The following FAM83A variants were observed in gnomAD, a reference collection of about 807,000 sequenced individuals.
FAM83A encodes the protein scaffolding CK1 anchoring protein A, also known as protein FAM83A.
In FAM83A, 21 loss-of-function variants were observed where a neutral mutation model predicts 24.4. The ratio of observed to expected loss-of-function variants is 0.86; its 90% confidence interval spans 0.61 to 1.24. The LOEUF is 1.24. FAM83A is among the 50% of genes most tolerant of loss of function. The pLI is 0.00. For synonymous variants in FAM83A, 270 were observed against 252.4 expected (o/e 1.07, Z -0.66); for missense variants, 617 against 579.8 (o/e 1.06, Z -0.66).
In FAM83A at chr8:123,200,988, C is replaced by CACAT. The variant is rs1251475197; in HGVS notation, c.774-6168_774-6167insCATA. Among the ~76,000 whole-genome samples, 422 of 145,672 alleles carry CACAT rather than the reference C, an allele frequency of 2.9e-3. 2 individuals are homozygous for CACAT. The highest frequency in any genetic ancestry group is 9.1e-3 in the African/African-American group (351 of 38,486). On this transcript the variant is annotated intron_variant, in intron 3 of 3. Transcript: ENST00000690554. ...AAAAAAATATATATATATATATACA[C>CACAT]ATATATACAAAAAAAAAATTAGCTG...
Position 123,209,517 on chromosome 8 carries a change from T to A in FAM83A, c.*1829T>A, listed in dbSNP as rs745995500. ...TCTGAACCCAGCCCTGACCTTGTTG[T>A]TTCACAGCTGACGGCTGAGATGAGG... On this transcript the variant is annotated 3_prime_UTR_variant, in exon 4 of 4. Coordinates refer to ENST00000690554, the Ensembl canonical transcript of FAM83A. The surrounding 1 kb of genome is among the most constrained non-coding windows in gnomAD (Gnocchi z 4.7). 2 of 1,614,202 alleles carry A rather than the reference T, an allele frequency of 1.2e-6. No individual in the cohort carries two copies. The highest frequency in any genetic ancestry group is 3.3e-5 in the Admixed American group (2 of 60,026).
upstream of FAM83A, chr8:123,182,609 G>C: frequency 1.4e-6 from 1 of 693,588 alleles, no homozygotes; most frequent in South Asian, 1.5e-5. Flanking sequence ...AGCCCTCCCG[G>C]CCCGAGGGCA....
chr8:123,193,905 C>T, intron 2 of FAM83A, 119 bp from the exon 3 acceptor site: 1 of 1,288,526 alleles, frequency 7.8e-7, no homozygotes, highest in Non-Finnish European at 1.1e-6. Flanking sequence ...TACCGTCACC[C>T]TGGGGATTAG....
At chr8:123,200,984 T>C (rs895221687) in intron 3 of FAM83A, among the ~76,000 whole-genome samples, 59 of 146,630 alleles carry the variant, frequency 4.0e-4, no homozygotes, top group African/African-American at 1.1e-3. Flanking sequence ...TATATATATA[T>C]ACACATATAT....
At chr8:123,188,388 G>A (rs1279776986) in intron 1 of FAM83A, among the ~76,000 whole-genome samples, 1 of 152,080 alleles carries the variant, frequency 6.6e-6, no homozygotes, top group African/African-American at 2.4e-5. Context: ...TCCAAATGAG[G>A]TCATATGCAC....
At chr8:123,190,246 T>A (rs1440964569) in intron 1 of FAM83A, among the ~76,000 whole-genome samples, 1 of 152,210 alleles carries the variant, frequency 6.6e-6, no homozygotes, top group African/African-American at 2.4e-5. Flanking sequence ...ATTAACATTT[T>A]AAATTTTTAT....
exon 4 of FAM83A, chr8:123,207,414 C>T: frequency 6.2e-7 from 1 of 1,610,510 alleles, no homozygotes; most frequent in Non-Finnish European, 8.5e-7. Flanking sequence ...GGCAGCCACC[C>T]CGGTACCCGA....
chr8:123,182,768 C>A, exon 1 of FAM83A: 2 of 1,492,822 alleles, frequency 1.3e-6, no homozygotes, highest in East Asian at 2.4e-5. Context: ...TGCGGGAGCC[C>A]CACTCCTCCG....
At chr8:123,206,622 G>T (rs1375299599) in intron 3 of FAM83A, among the ~76,000 whole-genome samples, 1 of 152,160 alleles carries the variant, frequency 6.6e-6, no homozygotes, top group African/African-American at 2.4e-5. Flanking sequence ...GCCTCTAAGG[G>T]GCTGCAATCT....
exon 4 of FAM83A, chr8:123,207,554 G>A (rs111390418): frequency 1.3e-6 from 2 of 1,544,046 alleles, no homozygotes; most frequent in South Asian, 1.2e-5. Flanking sequence ...GCGGCCCCAC[G>A]ACGGCCCGCC....
At chr8:123,202,574 G>A (rs777625319) in intron 3 of FAM83A, 1 of 152,688 alleles carries the variant, frequency 6.5e-6, no homozygotes, top group African/African-American at 2.4e-5. Flanking sequence ...CTGGCATGAA[G>A]TACAGTAAAT....
chr8:123,204,899 G>A (rs561835790), intron 3 of FAM83A, among the ~76,000 whole-genome samples: 1 of 152,260 alleles, frequency 6.6e-6, no homozygotes, highest in South Asian at 2.1e-4. Context: ...GGATCACAAG[G>A]TCAGGAGTTC....
At chr8:123,204,945 C>G (rs1774759943) in intron 3 of FAM83A, among the ~76,000 whole-genome samples, 1 of 151,876 alleles carries the variant, frequency 6.6e-6, no homozygotes, top group Admixed American at 6.6e-5. Context: ...AACCCTGTCT[C>G]TACTAAAAAT....
chr8:123,194,239 C>A, intron 3 of FAM83A, 91 bp downstream of exon 3: 2 of 1,538,022 alleles, frequency 1.3e-6, no homozygotes, highest in Non-Finnish European at 1.8e-6. Flanking sequence ...GACACAAACA[C>A]CCCCAGCAGC....
chr8:123,209,644 C>T lies in FAM83A; in HGVS notation c.*1956C>T. On this transcript the variant is annotated 3_prime_UTR_variant, in exon 4 of 4. Transcript: ENST00000690554. This position sits in a 1 kb window ranked among gnomAD's most constrained non-coding sequence, Gnocchi z 4.7. Reference sequence around the variant, plus strand: ...TTGCCAGGTCACAGAAGCTCCCAAGCCCAGCTTTCCAAAGGCCTCAGCCTG... The same window carrying T: ...TTGCCAGGTCACAGAAGCTCCCAAGTCCAGCTTTCCAAAGGCCTCAGCCTG... The T allele has an allele frequency of 2.2e-6, 3 of 1,374,010 alleles. No individual in the cohort carries two copies. The highest frequency in any genetic ancestry group is 3.0e-6 in the Non-Finnish European group (3 of 986,836). 85.1% of individuals were successfully genotyped at this position (1,374,010 alleles called of 1,614,324 possible).
chr8:123,195,451 C>T (rs572441920), intron 3 of FAM83A, among the ~76,000 whole-genome samples: 6 of 152,270 alleles, frequency 3.9e-5, no homozygotes, highest in African/African-American at 1.4e-4. Flanking sequence ...CTTTCTTTAG[C>T]CTTATTAGTG....
At chr8:123,195,358 C>G (rs1824113969) in intron 3 of FAM83A, among the ~76,000 whole-genome samples, 2 of 152,196 alleles carry the variant, frequency 1.3e-5, no homozygotes, top group South Asian at 4.2e-4. Context: ...AGCCAACTGG[C>G]AAATCTCTAG....
chr8:123,208,239 G>A (rs1323298081), exon 4 of FAM83A: 7 of 985,582 alleles, frequency 7.1e-6, no homozygotes, highest in Non-Finnish European at 8.4e-6. Flanking sequence ...GGGTATCCTT[G>A]GGCCCAATGA....
chr8:123,183,739 A>G (rs750034327), intron 1 of FAM83A, among the ~76,000 whole-genome samples: 3 of 136,542 alleles, frequency 2.2e-5, no homozygotes, highest in Non-Finnish European at 4.6e-5. Context: ...TCTGTTGCCC[A>G]AGCTGGAGTG....
Sources: allele counts gnomAD v4.1 joint callset (sites outside exome capture counted in the v4.1 genomes callset), GRCh38; gene constraint gnomAD v4.1.1; non-coding constraint Gnocchi (gnomAD v3.1); transcripts MANE v1.5; gene names NCBI Gene and HGNC (gene_info 2026-07-23, HGNC 2026-07-21).